Variants in BSND observed in about 807,000 individuals in gnomAD.
BSND encodes barttin CLCNK type accessory subunit beta, also known as barttin.
Under a neutral mutation model 18.8 loss-of-function variants are expected in BSND, and 13 were observed. That is an observed-to-expected ratio of 0.69 (90% CI 0.45 to 1.10). The LOEUF (loss-of-function observed/expected upper bound fraction) is 1.10. Among genes scored for constraint, BSND ranks in the 50% least tolerant of loss-of-function variants. BSND has a pLI of 0.00. For missense variants in BSND, 379 were observed against 416.7 expected (o/e 0.91, Z 0.79); for synonymous variants, 170 against 161.8 (o/e 1.05, Z -0.39).
chr1:55,002,782 A>AATGGTG lies in BSND; in HGVS notation c.178-2230_178-2225dup, dbSNP rs1214870549. On this transcript the variant is annotated intron_variant, in intron 1 of 3. Transcript: ENST00000651561. ...GTGCAGTGGGGATAGTGAGGGTGAGAATGGTGATGGTGATGATGATGATGA... is the reference window on the plus strand; with the variant it reads ...GTGCAGTGGGGATAGTGAGGGTGAGAATGGTGATGGTGATGGTGATGATGATGATGA... 5.3e-5 allele frequency among the ~76,000 whole-genome samples: 8 copies of AATGGTG among 152,144 alleles called. No homozygotes were observed. The South Asian group carries it at 1.7e-3, about 32-fold the overall frequency.
At position 55,007,276 on chromosome 1, in the gene BSND, A is replaced by C. The variant is rs757022807; in HGVS notation, c.548+4A>C. The C allele has an allele frequency of 2.2e-6, 3 of 1,359,490 alleles. No homozygotes were observed. The South Asian group carries it at 3.5e-5, about 16-fold the overall frequency. 84.2% of individuals were successfully genotyped at this position (1,359,490 alleles called of 1,614,324 possible). On this transcript the variant is annotated splice_donor_region_variant and intron_variant, in intron 3 of 3. Coordinates refer to ENST00000651561, the MANE Select transcript of BSND (RefSeq NM_057176.3). ...GCCTAACTCAGAGCTGGCCCGGGTG[A>C]GTGCTTAGAGGGCAGGAGTGGGGCT...
intron 1 of BSND, among the ~76,000 whole-genome samples, chr1:55,002,682 T>G (rs1416315638): frequency 1.3e-5 from 2 of 152,288 alleles, no homozygotes; most frequent in South Asian, 4.2e-4. Context: ...AAACTTGCAT[T>G]TTAAGATGCC....
In BSND at chr1:55,012,078, G is replaced by A. The variant is rs1347108553; in HGVS notation, c.*3450G>A. Among the ~76,000 whole-genome samples the A allele has an allele frequency of 6.6e-6, 1 of 152,218 alleles. No homozygotes were observed. Among genetic ancestry groups the A allele is most frequent in the Non-Finnish European group, 1.5e-5 (1 of 68,028 alleles). ...CACCCTCTGGAGAGGGAAAGGCCCT[G>A]GAGGGATGGCCCCTGCCCTTAACTG... is the stretch of plus-strand genomic sequence containing the variant. On this transcript the variant is annotated 3_prime_UTR_variant, in exon 4 of 4. Coordinates refer to ENST00000651561, the MANE Select transcript of BSND (RefSeq NM_057176.3).
At chr1:55,005,157 A>C in intron 2 of BSND, 41 bp downstream of exon 2, 1 of 1,583,502 alleles carries the variant, frequency 6.3e-7, no homozygotes, top group Non-Finnish European at 8.7e-7. Flanking sequence ...AGTAAGCCCC[A>C]TAGGCCAGTC....
At position 55,013,459 on chromosome 1, in the gene BSND, A is replaced by G. The variant is rs1644432768; in HGVS notation, c.*4831A>G. 6.6e-6 allele frequency among the ~76,000 whole-genome samples: 1 copy of G among 152,158 alleles called. No individual in the cohort carries two copies. Among genetic ancestry groups the G allele is most frequent in the Admixed American group, 6.5e-5 (1 of 15,270 alleles). ...ATTACAGGTGTGAGTCACTGCACCC[A>G]GCTGTCCCCATTTTATAGATGAGGA... On this transcript the variant is annotated 3_prime_UTR_variant, in exon 4 of 4. Transcript: ENST00000651561.
chr1:55,008,592 C>G lies in BSND; in HGVS notation c.927C>G (p.Asp309Glu), dbSNP rs778161870. 1 of 1,614,146 alleles carries G rather than the reference C, an allele frequency of 6.2e-7. No homozygotes were observed. Among genetic ancestry groups the G allele is most frequent in the Non-Finnish European group, 8.5e-7 (1 of 1,180,032 alleles). ...ATGGAGCCGGGGACCTCCTCCCGGA[C>G]AAGGAGCTGGGTTTTGAGCCTGACA... is the stretch of plus-strand genomic sequence containing the variant. ...LPDGAGDLLPDKELGFEPDTQ... is the reference protein window; with the variant it reads ...LPDGAGDLLPEKELGFEPDTQ... Residue 309 changes from aspartate to glutamate, a missense_variant, in exon 4 of 4, where the codon GAC becomes GAG. By Grantham distance (45) the Asp-to-Glu change is conservative. Transcript: ENST00000651561.
At chr1:55,007,860 A>G (rs927768878) in intron 3 of BSND, among the ~76,000 whole-genome samples, 1 of 152,184 alleles carries the variant, frequency 6.6e-6, no homozygotes, top group Non-Finnish European at 1.5e-5. Context: ...TCTGAGTCCA[A>G]TGAGGGAGGC....
Position 55,011,401 on chromosome 1 carries a change from A to G in BSND, c.*2773A>G, listed in dbSNP as rs928230313. ...CTTTGACAAGTCTGGTTGCCTCCGT[A>G]GCCCTCAGCTTTCTCATGTGCAAAT... is the stretch of plus-strand genomic sequence containing the variant. On this transcript the variant is annotated 3_prime_UTR_variant, in exon 4 of 4. Transcript: ENST00000651561. 1.3e-5 allele frequency: 2 copies of G among 152,252 alleles called. No individual in the cohort carries two copies. The highest frequency in any genetic ancestry group is 4.8e-5 in the African/African-American group (2 of 41,458). 9.4% of individuals were successfully genotyped at this position (152,252 alleles called of 1,614,324 possible). A position where few individuals can be genotyped will look rare whatever the true frequency, so the allele number is the denominator to read the frequency against.
rs1039131436 is a variant in BSND, at chr1:55,015,096, G to C, written c.*6468G>C. Among the ~76,000 whole-genome samples the C allele has an allele frequency of 4.6e-5, 7 of 152,218 alleles. No individual in the cohort carries two copies. The highest frequency in any genetic ancestry group is 1.7e-4 in the African/African-American group (7 of 41,450). ...CAAGGGGGATTAATTGATGATTCTT[G>C]AGCAGAGGAGTGACATGAAAGAAAC... On this transcript the variant is annotated 3_prime_UTR_variant, in exon 4 of 4. Transcript: ENST00000651561.
chr1:54,999,299 A>G lies in BSND; in HGVS notation c.113A>G (p.Tyr38Cys), dbSNP rs376575523. The G allele has an allele frequency of 1.2e-6, 2 of 1,613,708 alleles. No individual in the cohort carries two copies. The highest frequency in any genetic ancestry group is 2.7e-5 in the African/African-American group (2 of 74,772). Residue 38 changes from tyrosine to cysteine, a missense_variant, in exon 1 of 4, where the codon TAT becomes TGT. Coordinates refer to ENST00000651561, the MANE Select transcript of BSND (RefSeq NM_057176.3). ...HDRPQVYGTF[Y>C]AMGSVMVIGG... Reference sequence around the variant, plus strand: ...CGGCCCCAGGTCTACGGCACCTTCTATGCCATGGGCAGCGTCATGGTGATC... The same window carrying G: ...CGGCCCCAGGTCTACGGCACCTTCTGTGCCATGGGCAGCGTCATGGTGATC...
chr1:55,012,895 A>G lies in BSND; in HGVS notation c.*4267A>G, dbSNP rs1055320436. Among the ~76,000 whole-genome samples, 1 of 152,188 alleles carries G rather than the reference A, an allele frequency of 6.6e-6. No individual in the cohort carries two copies. The highest frequency in any genetic ancestry group is 1.5e-5 in the Non-Finnish European group (1 of 68,026). On this transcript the variant is annotated 3_prime_UTR_variant, in exon 4 of 4. Transcript: ENST00000651561. ...TGCTTGTGCTGTCAGACAGGTGTCA[A>G]ACAGGGTTCCAGGCAGCTGCTGAGT...
intron 3 of BSND, among the ~76,000 whole-genome samples, chr1:55,007,771 C>G (rs1371643317): frequency 1.3e-5 from 2 of 152,148 alleles, no homozygotes; most frequent in African/African-American, 4.8e-5. Context: ...CTTATTCATC[C>G]ATGTACTTAT....
Position 55,010,704 on chromosome 1 carries a change from G to A in BSND, c.*2076G>A, listed in dbSNP as rs1328649000. ...GCCTCTGCAGTGAAGGATGCCACAG[G>A]GTACACCCTCTCTGCTGTCATGACT... On this transcript the variant is annotated 3_prime_UTR_variant, in exon 4 of 4. Coordinates refer to ENST00000651561, the MANE Select transcript of BSND (RefSeq NM_057176.3). The A allele has an allele frequency of 2.0e-5, 3 of 152,292 alleles. No homozygotes were observed. Among genetic ancestry groups the A allele is most frequent in the Admixed American group, 1.3e-4 (2 of 15,276 alleles). The allele number at this position is 152,292 out of a possible 1,614,324, so 9.4% of individuals were successfully genotyped here.
In BSND at chr1:55,016,030, C is replaced by CGTGG. The variant is rs1466458363; in HGVS notation, c.*7406_*7409dup. 2.6e-5 allele frequency among the ~76,000 whole-genome samples: 4 copies of CGTGG among 152,112 alleles called. No individual in the cohort carries two copies. The highest frequency in any genetic ancestry group is 9.7e-5 in the African/African-American group (4 of 41,418). On this transcript the variant is annotated 3_prime_UTR_variant, in exon 4 of 4. Coordinates refer to ENST00000651561, the MANE Select transcript of BSND (RefSeq NM_057176.3). ...AGGAGCGGAGGGTGGCTGGAGAAGA[C>CGTGG]GTGGGTGAGTGAGTGACTGGGGACT...
At chr1:55,002,711 A>G (rs1036488993) in intron 1 of BSND, among the ~76,000 whole-genome samples, 33 of 152,214 alleles carry the variant, frequency 2.2e-4, no homozygotes, top group African/African-American at 6.0e-4. Context: ...TCCTTCTCCA[A>G]GCTTTTCCTA....
intron 3 of BSND, among the ~76,000 whole-genome samples, chr1:55,007,999 C>T (rs1644400224): frequency 6.6e-6 from 1 of 152,210 alleles, no homozygotes; most frequent in Non-Finnish European, 1.5e-5. Context: ...TTCATGAGCA[C>T]CTTCTATGTG....
At chr1:55,004,863 T>A (rs1447700305) in intron 1 of BSND, among the ~76,000 whole-genome samples, 159 bp from the exon 2 acceptor site, 2 of 152,218 alleles carry the variant, frequency 1.3e-5, no homozygotes, top group African/African-American at 4.8e-5. Flanking sequence ...CTCCCGCTGG[T>A]GCTGTGCCCC....
rs762414098 is a variant in BSND, at chr1:55,008,548, C to A, written c.883C>A (p.Leu295Met). 2 of 1,614,156 alleles carry A rather than the reference C, an allele frequency of 1.2e-6. No homozygotes were observed. Among genetic ancestry groups the A allele is most frequent in the Admixed American group, 3.3e-5 (2 of 60,020 alleles). ...GGAACCTGAGAAGGAAGAGGAAGACCTGTACTATGGGCTGCCAGATGGAGC... is the reference window on the plus strand; with the variant it reads ...GGAACCTGAGAAGGAAGAGGAAGACATGTACTATGGGCTGCCAGATGGAGC... ...GEEPEKEEED[L>M]YYGLPDGAGD... The change falls in exon 4 of 4, where the codon CTG becomes ATG. Residue 295 changes from leucine (L) to methionine (M), a missense_variant. Physicochemically the swap from Leu to Met is conservative, Grantham distance 15. Transcript: ENST00000651561.
intron 3 of BSND, 132 bp from the exon 4 acceptor site, chr1:55,008,082 T>C: frequency 1.4e-6 from 1 of 740,362 alleles, no homozygotes; most frequent in South Asian, 1.6e-5. Context: ...GAGTGAATTC[T>C]GTTATTGGGA....
Sources: gnomAD v4.1 joint callset for allele counts (sites outside exome capture counted in the v4.1 genomes callset) on GRCh38, gnomAD v4.1.1 for gene constraint, MANE v1.5 for transcripts, NCBI Gene and HGNC (gene_info 2026-07-23, HGNC 2026-07-21) for gene names.